The following XAF1 variants were observed in gnomAD, a reference collection of about 807,000 sequenced individuals.
The protein encoded by XAF1 is XIAP-associated factor 1.
XAF1 carries 32 observed loss-of-function variants against 32.3 expected under a neutral mutation model. The ratio of observed to expected loss-of-function variants is 0.99; its 90% CI spans 0.75 to 1.33. The LOEUF (loss-of-function observed/expected upper bound fraction) is 1.33, where lower values mean the gene tolerates loss of function less well. Among genes scored for constraint, XAF1 ranks in the 40% most tolerant of loss-of-function variants. The probability of loss-of-function intolerance (pLI) is 0.00; values close to 1 mark genes in which losing one functional copy is unlikely to be tolerated. For missense variants in XAF1, 379 were observed against 366.0 expected (o/e 1.04, Z -0.29); for synonymous variants, 120 against 125.9 (o/e 0.95, Z 0.31).
intron 6 of XAF1, chr17:6,771,906 C>T (rs534131525): frequency 1.3e-5 from 2 of 152,326 alleles, no homozygotes; most frequent in South Asian, 4.1e-4. Context: ...TCTACCTTTG[C>T]ATATACAAGC....
intron 2 of XAF1, chr17:6,759,076 G>A: frequency 1.1e-6 from 1 of 931,530 alleles, no homozygotes; most frequent in Non-Finnish European, 1.3e-6. Context: ...CGGGAGTTGG[G>A]GTGAGGGCTG....
At chr17:6,764,497 A>G (rs766876770) in intron 5 of XAF1, among the ~76,000 whole-genome samples, 78 of 152,200 alleles carry the variant, frequency 5.1e-4, no homozygotes, top group Non-Finnish European at 1.0e-3. Flanking sequence ...TTGTCCTAAC[A>G]TTTCTTACAA....
upstream of XAF1, chr17:6,755,592 G>T: frequency 9.9e-7 from 1 of 1,010,678 alleles, no homozygotes; most frequent in East Asian, 8.8e-5. Flanking sequence ...TGTTTGCAAG[G>T]TCCTCACCGC....
chr17:6,756,055 C>G lies in XAF1; in HGVS notation c.-24C>G. 1 of 1,613,844 alleles carries G rather than the reference C, an allele frequency of 6.2e-7. No individual in the cohort carries two copies. The highest frequency in any genetic ancestry group is 8.5e-7 in the Non-Finnish European group (1 of 1,179,928). Reference sequence around the variant, plus strand: ...CTTGCCTGCAAGAAACGAAACTCAACCGAAAGCCTGCAGAGAGCAGAACAT... The same window carrying G: ...CTTGCCTGCAAGAAACGAAACTCAAGCGAAAGCCTGCAGAGAGCAGAACAT... On this transcript the variant is annotated 5_prime_UTR_variant, in exon 1 of 7. Transcript: ENST00000361842.
chr17:6,757,176 TTG>T (rs1306138230), intron 1 of XAF1, among the ~76,000 whole-genome samples: 1 of 152,076 alleles, frequency 6.6e-6, no homozygotes, highest in Non-Finnish European at 1.5e-5. Flanking sequence ...TAATTTTGTA[TTG>T]TTTTAGTAGA....
chr17:6,756,166 C>T lies in XAF1; in HGVS notation c.32+56C>T, dbSNP rs367633410. The stretch of plus-strand genomic sequence containing the variant: ...CGGGCTGGCGAGGGAGAGACGTAGA[C>T]GACATAGGGCTGTTTCTGAAGGGAG... On this transcript the variant is annotated intron_variant, in intron 1 of 6. Transcript: ENST00000361842. 2.4e-5 allele frequency: 38 copies of T among 1,612,804 alleles called. 1 individual carries two copies. The highest frequency in any genetic ancestry group is 2.3e-4 in the Admixed American group (14 of 59,868).
At chr17:6,768,151 T>C (rs1975755775) in intron 5 of XAF1, among the ~76,000 whole-genome samples, 2 of 151,776 alleles carry the variant, frequency 1.3e-5, no homozygotes, top group Non-Finnish European at 2.9e-5. Flanking sequence ...GAGACAAAAG[T>C]CTCACTCTGT....
Position 6,773,605 on chromosome 17 carries a change from C to A in XAF1, c.*436C>A. ...AAAGGCAACCAAAAAGAAAGGAAGT[C>A]GAAGTATCTCTGTTTGCAGACGATA... is the stretch of plus-strand genomic sequence containing the variant. On this transcript the variant is annotated 3_prime_UTR_variant, in exon 7 of 7. Transcript: ENST00000361842. 6.5e-6 allele frequency: 1 copy of A among 153,510 alleles called. No homozygotes were observed. The highest frequency in any genetic ancestry group is 1.4e-5 in the Non-Finnish European group (1 of 68,986). The allele number at this position is 153,510 out of a possible 1,614,324, so 9.5% of individuals were successfully genotyped here. A position where few individuals can be genotyped will look rare whatever the true frequency, so the allele number is the denominator to read the frequency against.
At chr17:6,756,548 A>G (rs1974680347) in intron 1 of XAF1, among the ~76,000 whole-genome samples, 1 of 149,310 alleles carries the variant, frequency 6.7e-6, no homozygotes, top group Non-Finnish European at 1.5e-5. Context: ...CAGGGGGGAC[A>G]GAGCAGGGGG....
At chr17:6,761,114 A>T (rs1256138175) in intron 4 of XAF1, among the ~76,000 whole-genome samples, 4 of 152,064 alleles carry the variant, frequency 2.6e-5, no homozygotes, top group Non-Finnish European at 5.9e-5. Flanking sequence ...AGATCGTGCC[A>T]TTGCACTCCA....
chr17:6,756,564 A>C, intron 1 of XAF1, among the ~76,000 whole-genome samples: 1 of 150,182 alleles, frequency 6.7e-6, no homozygotes, highest in Non-Finnish European at 1.5e-5. Context: ...GGGGGCTGGG[A>C]CCACACCTCT....
At chr17:6,765,598 CCT>C (rs143184719) in intron 5 of XAF1, among the ~76,000 whole-genome samples, 1,935 of 152,234 alleles carry the variant, frequency 0.013, 50 homozygotes, top group African/African-American at 0.044. Flanking sequence ...GAAATGGAAT[CCT>C]CTCTGCCACA....
Position 6,756,118 on chromosome 17 carries a change from A to C in XAF1, c.32+8A>C. ...CTCGGTGTGCAGGAACTGGTAAGAA[A>C]GTGCTTTCTCCAGCGGCAGACCCGG... On this transcript the variant is annotated splice_region_variant and intron_variant, in intron 1 of 6. Coordinates refer to ENST00000361842, the MANE Select transcript of XAF1 (RefSeq NM_017523.5). The C allele has an allele frequency of 1.2e-6, 2 of 1,614,074 alleles. No homozygotes were observed. Among genetic ancestry groups the C allele is most frequent in the Non-Finnish European group, 1.7e-6 (2 of 1,180,004 alleles).
intron 6 of XAF1, among the ~76,000 whole-genome samples, chr17:6,772,474 T>C (rs560291688): frequency 8.4e-5 from 12 of 142,454 alleles, no homozygotes; most frequent in African/African-American, 3.1e-4. Flanking sequence ...TCTTTTTTTT[T>C]TTTTTTTTTT....
At chr17:6,766,319 C>T (rs775518334) in intron 5 of XAF1, among the ~76,000 whole-genome samples, 2 of 152,132 alleles carry the variant, frequency 1.3e-5, no homozygotes, top group Non-Finnish European at 1.5e-5. Flanking sequence ...CCCACGACCT[C>T]AGAAAAACTA....
rs200926737 is a variant in XAF1 at position 6,760,378 on chromosome 17, A to G, written c.226-28A>G. The G allele has an allele frequency of 1.0e-3, 1,431 of 1,422,616 alleles. 15 individuals are homozygous for G. The African/African-American group carries it at 0.018, about 18-fold the overall frequency. 88.1% of individuals were successfully genotyped at this position (1,422,616 alleles called of 1,614,324 possible). A position where few individuals can be genotyped will look rare whatever the true frequency, so the allele number is the denominator to read the frequency against. ...AAAAAAAAAAAAAAAAGGGCCAGTG[A>G]TCATGCCCTTCCTGCTGCCTCCCAC... On this transcript the variant is annotated intron_variant, in intron 3 of 6. Transcript: ENST00000361842.
intron 3 of XAF1, chr17:6,759,946 A>C: frequency 7.0e-6 from 5 of 715,576 alleles, no homozygotes; most frequent in Non-Finnish European, 9.0e-6. Flanking sequence ...ATCAGAGCTC[A>C]GATCCCCCGA....
rs35268583 is a variant in XAF1, at chr17:6,761,154, CAA to C, written c.421+562_421+563del. ...GGGCAACAAGAGCAAAACTCTGTCT[CAA>C]AAAAAAAAGGGGGGGACCATGGGGA... On this transcript the variant is annotated intron_variant, in intron 4 of 6. Coordinates refer to ENST00000361842, the MANE Select transcript of XAF1 (RefSeq NM_017523.5). Among the ~76,000 whole-genome samples the C allele has an allele frequency of 5.4e-5, 8 of 147,688 alleles. No homozygotes were observed. The East Asian group carries it at 7.9e-4, about 15-fold the overall frequency.
intron 2 of XAF1, chr17:6,759,031 A>C: frequency 4.0e-6 from 2 of 496,912 alleles, no homozygotes; most frequent in Non-Finnish European, 5.3e-6. Flanking sequence ...GAGTCAGGGA[A>C]TGGCTCCAGT....
Sources: allele counts gnomAD v4.1 joint callset (sites outside exome capture counted in the v4.1 genomes callset), GRCh38; gene constraint gnomAD v4.1.1; transcripts MANE v1.5; gene names NCBI Gene and HGNC (gene_info 2026-07-23, HGNC 2026-07-21).